TTC3: variants seen among roughly 807,000 people sequenced by gnomAD.
The protein encoded by TTC3 is E3 ubiquitin-protein ligase TTC3.
In TTC3, 180 loss-of-function variants were observed where a neutral mutation model predicts 249.6. That is an observed-to-expected ratio of 0.72 (90% CI 0.64 to 0.82). The LOEUF (loss-of-function observed/expected upper bound fraction) is 0.82. Ranked by LOEUF, TTC3 falls within the 40% of genes least tolerant of loss-of-function variation. TTC3 has a pLI of 0.00. For missense variants in TTC3, 2,061 were observed against 2,398.4 expected (o/e 0.86, Z 2.94); for synonymous variants, 717 against 805.0 (o/e 0.89, Z 1.85).
chr21:37,147,731 A>ATT (rs372841981), intron 22 of TTC3, 128 bp downstream of exon 22: 14,069 of 843,574 alleles, frequency 0.017, 48 homozygotes, highest in African/African-American at 0.023. Flanking sequence ...CTTTCCCAGG[A>ATT]TTTTTTTTTT....
chr21:37,178,457 A>G (rs1272886029), intron 35 of TTC3, among the ~76,000 whole-genome samples: 1 of 152,042 alleles, frequency 6.6e-6, no homozygotes, highest in African/African-American at 2.4e-5. Flanking sequence ...TCTCACTTAC[A>G]CTTATCATCG....
intron 33 of TTC3, 125 bp from the exon 34 acceptor site, chr21:37,167,430 A>G: frequency 9.4e-6 from 5 of 533,720 alleles, no homozygotes; most frequent in Non-Finnish European, 1.6e-5. Context: ...AGCATGGAAC[A>G]TGATCTAAAT....
At chr21:37,088,205 T>A (rs1255115877) in exon 4 of TTC3, 1 of 1,572,720 alleles carries the variant, frequency 6.4e-7, no homozygotes, top group South Asian at 1.2e-5. Flanking sequence ...GAATTTGACA[T>A]CTGCAGTATA....
chr21:37,088,154 AT>A, intron 3 of TTC3, 41 bp from the exon 4 acceptor site: 1 of 1,473,982 alleles, frequency 6.8e-7, no homozygotes, highest in Non-Finnish European at 9.0e-7. Context: ...CATTAAAAAA[AT>A]GAGGCACAAA....
intron 38 of TTC3, 111 bp downstream of exon 38, chr21:37,187,256 A>G: frequency 3.9e-6 from 3 of 764,780 alleles, no homozygotes; most frequent in Non-Finnish European, 6.3e-6. Flanking sequence ...TGCATAAAGG[A>G]TATCCTGTAA....
At chr21:37,109,706 G>A (rs985266808) in intron 11 of TTC3, among the ~76,000 whole-genome samples, 2 of 152,248 alleles carry the variant, frequency 1.3e-5, no homozygotes, top group African/African-American at 2.4e-5. Context: ...CAGCTTTGAA[G>A]AGAGTAGTGG....
At chr21:37,196,563 G>A (rs2084937048) in intron 42 of TTC3, among the ~76,000 whole-genome samples, 1 of 152,160 alleles carries the variant, frequency 6.6e-6, no homozygotes, top group African/African-American at 2.4e-5. Context: ...ATGTGCATAT[G>A]TAAATTGAAA....
intron 11 of TTC3, among the ~76,000 whole-genome samples, chr21:37,111,965 A>G (rs1282257760): frequency 2.6e-5 from 4 of 152,020 alleles, no homozygotes; most frequent in African/African-American, 9.7e-5. Context: ...TACTTACGAA[A>G]TGAAGGCAGA....
chr21:37,092,856 A>G (rs569795409), intron 7 of TTC3, among the ~76,000 whole-genome samples: 2 of 152,322 alleles, frequency 1.3e-5, no homozygotes, highest in East Asian at 3.9e-4. Flanking sequence ...TACAATGTAG[A>G]AAATGAGGCC....
chr21:37,187,678 T>C (rs1206816299), intron 38 of TTC3: 1 of 152,348 alleles, frequency 6.6e-6, no homozygotes, highest in Non-Finnish European at 1.5e-5. Context: ...TTTCTGTAGC[T>C]GAGAAACAAA....
intron 1 of TTC3, among the ~76,000 whole-genome samples, chr21:37,078,609 A>T (rs1288580203): frequency 6.6e-6 from 1 of 151,836 alleles, no homozygotes; most frequent in East Asian, 1.9e-4. Flanking sequence ...ATTTTAACTT[A>T]TTGTTAAATA....
chr21:37,156,562 A>G (rs2080108936), intron 27 of TTC3, 93 bp from the exon 28 acceptor site: 2 of 1,476,330 alleles, frequency 1.4e-6, no homozygotes, highest in Non-Finnish European at 9.1e-7. Context: ...TAAGCAAACT[A>G]TAATCAGCTG....
In TTC3 at chr21:37,187,153, C is replaced by G; in HGVS notation, c.4923+8C>G. The G allele has an allele frequency of 6.4e-7, 1 of 1,564,420 alleles. No individual in the cohort carries two copies. On this transcript the variant is annotated splice_region_variant and intron_variant, in intron 38 of 45. Transcript: ENST00000355666. ...AGAGCTGTGGCTGCAGAGGTGAGTC[C>G]ATGACACTTAGTGACCACTATGGCA... is the stretch of plus-strand genomic sequence containing the variant.
chr21:37,100,101 G>T (rs892231962), intron 10 of TTC3, among the ~76,000 whole-genome samples: 1 of 152,126 alleles, frequency 6.6e-6, no homozygotes, highest in African/African-American at 2.4e-5. Flanking sequence ...TTAAACACCC[G>T]GGGAGTGGCT....
chr21:37,171,034 C>T (rs2081733228), intron 34 of TTC3, among the ~76,000 whole-genome samples: 1 of 152,146 alleles, frequency 6.6e-6, no homozygotes. Context: ...TAAATGGATA[C>T]TTGGTTTTCC....
At chr21:37,129,703 T>C (rs544700284) in intron 16 of TTC3, among the ~76,000 whole-genome samples, 2 of 152,264 alleles carry the variant, frequency 1.3e-5, no homozygotes, top group South Asian at 4.1e-4. Context: ...TAACCCTAGC[T>C]CACTGCAGGC....
At position 37,138,641 on chromosome 21, in the gene TTC3, A is replaced by T; in HGVS notation, c.1586A>T (p.Asn529Ile). Residue 529 changes from asparagine (N) to isoleucine (I), a missense_variant, in exon 19 of 46, where the codon AAC becomes ATC. Coordinates refer to ENST00000355666, the Ensembl canonical transcript of TTC3. ...AGGCATTTTTATTGACAGCAATTGA[A>T]CCTGGCCATGATTAACTATGTTTTG... is the stretch of plus-strand genomic sequence containing the variant. The T allele has an allele frequency of 1.2e-6, 2 of 1,611,218 alleles. No individual in the cohort carries two copies. The highest frequency in any genetic ancestry group is 1.7e-6 in the Non-Finnish European group (2 of 1,178,310).
chr21:37,077,170 G>T (rs2071009911), intron 1 of TTC3, among the ~76,000 whole-genome samples: 1 of 151,204 alleles, frequency 6.6e-6, no homozygotes, highest in Admixed American at 6.6e-5. Context: ...ACATTTAAAA[G>T]AATGAGATAA....
At chr21:37,198,893 A>T (rs1356611830) in intron 44 of TTC3, among the ~76,000 whole-genome samples, 1 of 152,040 alleles carries the variant, frequency 6.6e-6, no homozygotes, top group East Asian at 1.9e-4. Flanking sequence ...TTTTAGTTAG[A>T]AATATACTGT....
Sources: gnomAD v4.1 joint callset for allele counts (sites outside exome capture counted in the v4.1 genomes callset) on GRCh38, gnomAD v4.1.1 for gene constraint, MANE v1.5 for transcripts, NCBI Gene and HGNC (gene_info 2026-07-23, HGNC 2026-07-21) for gene names.